HEATR5A: variants seen among roughly 807,000 people sequenced by gnomAD.
HEATR5A encodes the protein HEAT repeat containing 5A.
A neutral mutation model predicts 218.8 loss-of-function variants in HEATR5A; 178 were observed. The ratio of observed to expected loss-of-function variants is 0.81; its 90% CI spans 0.72 to 0.92. The LOEUF is 0.92. Ranked by LOEUF, HEATR5A falls within the 40% of genes least tolerant of loss-of-function variation. The probability of loss-of-function intolerance (pLI) is 0.00; values close to 1 mark genes in which losing one functional copy is unlikely to be tolerated. For synonymous variants in HEATR5A, 864 were observed against 871.6 expected (o/e 0.99, Z 0.15); for missense variants, 2,420 against 2,418.9 (o/e 1.00, Z -0.01).
At chr14:31,404,867 C>T (rs2031000614) in intron 1 of HEATR5A, among the ~76,000 whole-genome samples, 1 of 151,540 alleles carries the variant, frequency 6.6e-6, no homozygotes, top group South Asian at 2.1e-4. Context: ...TAAGCCATGA[C>T]CACACCACTG....
At position 31,319,759 on chromosome 14, in the gene HEATR5A, C is replaced by T. The variant is rs546879083; in HGVS notation, c.3970-1467G>A. Among the ~76,000 whole-genome samples, 26 of 152,212 alleles carry T rather than the reference C, an allele frequency of 1.7e-4. No individual in the cohort carries two copies. The South Asian group carries it at 5.4e-3, about 32-fold the overall frequency. On this transcript the variant is annotated intron_variant, in intron 25 of 35. Coordinates refer to ENST00000543095, the MANE Select transcript of HEATR5A (RefSeq NM_015473.4). ...CAAAACCAGTAATAGAAACCTGAAT[C>T]CTTGGGCTGGGGCTGGTGGCTCATG...
In HEATR5A at chr14:31,358,990, T is replaced by C; in HGVS notation, c.2139A>G (p.Ala713=). ...DLTAPDIQVA[A]STFLLPPLCH... ...AGAGGGGTGGAAGTAAAAATGTAGA[T>C]GCTGCCACCTGAATATCAGGGGCAG... is the stretch of plus-strand genomic sequence containing the variant. The change falls in exon 15 of 36, where the codon GCA becomes GCG. Residue 713 remains alanine, a synonymous_variant. Coordinates refer to ENST00000543095, the MANE Select transcript of HEATR5A (RefSeq NM_015473.4). 6.3e-7 allele frequency: 1 copy of C among 1,589,024 alleles called. No individual in the cohort carries two copies. Among genetic ancestry groups the C allele is most frequent in the Non-Finnish European group, 8.5e-7 (1 of 1,174,266 alleles).
In HEATR5A at chr14:31,303,862, A is replaced by T. The variant is rs111941241; in HGVS notation, c.5239+1043T>A. On this transcript the variant is annotated intron_variant, in intron 32 of 35. Transcript: ENST00000543095. ...AGGATTTGCAAAGAAGGAACTGAAA[A>T]AAGGTAACGATTAGCAGAGCTACAC... 7.8e-3 allele frequency among the ~76,000 whole-genome samples: 1,181 copies of T among 152,250 alleles called. 6 individuals are homozygous for T. Among genetic ancestry groups the T allele is most frequent in the Non-Finnish European group, 0.012 (845 of 68,014 alleles).
chr14:31,370,052 C>A (rs1387930136), intron 13 of HEATR5A, among the ~76,000 whole-genome samples: 2 of 151,856 alleles, frequency 1.3e-5, no homozygotes, highest in African/African-American at 4.8e-5. Context: ...CGGTGAAACC[C>A]CATCTCTATT....
Position 31,306,857 on chromosome 14 carries a change from T to C in HEATR5A, c.4841A>G (p.Asn1614Ser), listed in dbSNP as rs530194529. 55 of 1,612,244 alleles carry C rather than the reference T, an allele frequency of 3.4e-5. No individual in the cohort carries two copies. Among genetic ancestry groups the C allele is most frequent in the Non-Finnish European group, 4.6e-5 (54 of 1,178,906 alleles). Residue 1614 changes from asparagine (N) to serine (S), a missense_variant, in exon 31 of 36, where the codon AAT becomes AGT. Coordinates refer to ENST00000543095, the MANE Select transcript of HEATR5A (RefSeq NM_015473.4). ...SDQDLGIELL[N>S]VLHRVILTRE... ...GGTTAAAATTACTCGATGTAGAACA[T>C]TCAGCAATTCTATACCCAAGTCCTA... is the stretch of plus-strand genomic sequence containing the variant.
At chr14:31,321,711 A>G (rs17097814) in intron 24 of HEATR5A, 31 bp from the exon 25 acceptor site, 114,410 of 1,462,748 alleles carry the variant, frequency 0.078, 5,960 homozygotes, top group Admixed American at 0.23. Context: ...TTGGGAGAAA[A>G]AAAGATTAGA....
At chr14:31,396,459 A>C (rs377484684) in intron 4 of HEATR5A, among the ~76,000 whole-genome samples, 34 of 152,108 alleles carry the variant, frequency 2.2e-4, no homozygotes, top group African/African-American at 8.2e-4. Context: ...AAAAAGAAAA[A>C]GAAATAGTAG....
rs1203933748 is a variant in HEATR5A at position 31,394,042 on chromosome 14, A to G, written c.772+10T>C. 2.7e-6 allele frequency: 4 copies of G among 1,474,198 alleles called. No homozygotes were observed. Among genetic ancestry groups the G allele is most frequent in the Admixed American group, 2.3e-5 (1 of 43,890 alleles). 91.3% of individuals were successfully genotyped at this position (1,474,198 alleles called of 1,614,324 possible). ...CAGAAGAGACTTTGAAAATAATTAC[A>G]TGTATTTACCTGTTCCTGGATGTTT... On this transcript the variant is annotated intron_variant, in intron 6 of 35. Transcript: ENST00000543095.
intron 11 of HEATR5A, among the ~76,000 whole-genome samples, chr14:31,376,970 T>A (rs1566774041): frequency 1.3e-5 from 2 of 151,632 alleles, no homozygotes; most frequent in African/African-American, 2.4e-5. Context: ...AAAAAAAATT[T>A]AAAAATTAGC....
chr14:31,362,525 G>A (rs1901653236), intron 14 of HEATR5A, among the ~76,000 whole-genome samples: 1 of 149,602 alleles, frequency 6.7e-6, no homozygotes, highest in African/African-American at 2.5e-5. Context: ...CACTTTGAGA[G>A]GCTGAGGTGG....
Position 31,295,970 on chromosome 14 carries a change from GGGAT to G in HEATR5A, c.5554_5557del (p.Ile1852HisfsTer17). 1.2e-6 allele frequency: 2 copies of G among 1,613,420 alleles called. No homozygotes were observed. Among genetic ancestry groups the G allele is most frequent in the Non-Finnish European group, 1.7e-6 (2 of 1,179,466 alleles). On this transcript the variant is annotated frameshift_variant, in exon 34 of 36. Transcript: ENST00000543095. LOFTEE classifies it high-confidence loss of function. ...ATCAATACAGCGCTTCTGAAGGCATGGGATGGTAGTTACTTCTGGACTGGTAGAC... is the reference window on the plus strand; with the variant it reads ...ATCAATACAGCGCTTCTGAAGGCATGGGTAGTTACTTCTGGACTGGTAGAC...
At chr14:31,355,712 G>C (rs1332782584) in intron 16 of HEATR5A, among the ~76,000 whole-genome samples, 2 of 150,152 alleles carry the variant, frequency 1.3e-5, no homozygotes, top group African/African-American at 4.9e-5. Context: ...CTGTCTCAAA[G>C]AAAAAAAAAG....
At chr14:31,391,929 G>A (rs998823905) in intron 6 of HEATR5A, among the ~76,000 whole-genome samples, 4 of 152,164 alleles carry the variant, frequency 2.6e-5, no homozygotes, top group African/African-American at 9.7e-5. Context: ...ACTCTATGAT[G>A]TTCCCACAAT....
In HEATR5A at chr14:31,307,893, C is replaced by G. The variant is rs1406958312; in HGVS notation, c.4818G>C (p.Gln1606His). The stretch of plus-strand genomic sequence containing the variant: ...ACAAAAAAAACCCCAGATAAATCAC[C>G]TGATCACTGCCAATTTTTGATCTGG... ...PWPRSKIGSD[Q>H]DLGIELLNVL... Residue 1606 changes from glutamine (Q) to histidine (H), a missense_variant and splice_region_variant, in exon 30 of 36, where the codon CAG becomes CAC. Gln to His is a conservative substitution (Grantham distance 24). Coordinates refer to ENST00000543095, the MANE Select transcript of HEATR5A (RefSeq NM_015473.4). 1.2e-6 allele frequency: 2 copies of G among 1,610,074 alleles called. No individual in the cohort carries two copies. The highest frequency in any genetic ancestry group is 2.7e-5 in the African/African-American group (2 of 74,720).
At chr14:31,338,935 G>C (rs1900750833) in intron 21 of HEATR5A, among the ~76,000 whole-genome samples, 1 of 151,856 alleles carries the variant, frequency 6.6e-6, no homozygotes, top group Non-Finnish European at 1.5e-5. Flanking sequence ...TGGCCAACAT[G>C]GTGAAACCCT....
At chr14:31,296,107 T>C (rs1282772322) in intron 33 of HEATR5A, 44 bp from the exon 34 acceptor site, 2 of 1,532,056 alleles carry the variant, frequency 1.3e-6, no homozygotes, top group Admixed American at 1.8e-5. Flanking sequence ...ATTTACTGCT[T>C]TATATACCTG....
At chr14:31,346,415 A>G (rs1901024100) in intron 19 of HEATR5A, among the ~76,000 whole-genome samples, 1 of 152,202 alleles carries the variant, frequency 6.6e-6, no homozygotes. Context: ...GAGTAGTAAT[A>G]TGGTAATTCA....
chr14:31,419,807 G>A (rs903239933), intron 1 of HEATR5A, among the ~76,000 whole-genome samples: 1 of 152,230 alleles, frequency 6.6e-6, no homozygotes, highest in East Asian at 1.9e-4. Context: ...CGCGTTGGCC[G>A]AGAGTAGGGT....
chr14:31,312,956 T>C lies in HEATR5A; in HGVS notation c.4441+12A>G. On this transcript the variant is annotated intron_variant, in intron 28 of 35. Transcript: ENST00000543095. ...TCACTCTAGGAATTATCTAAGTATT[T>C]TATCTCCTTACCTTCAGCAGGAAGT... 6.3e-7 allele frequency: 1 copy of C among 1,583,978 alleles called. No homozygotes were observed.
Sources: allele counts gnomAD v4.1 joint callset (sites outside exome capture counted in the v4.1 genomes callset), GRCh38; gene constraint gnomAD v4.1.1; transcripts MANE v1.5; gene names NCBI Gene and HGNC (gene_info 2026-07-23, HGNC 2026-07-21).